The following SMARCA4 variants were observed in gnomAD, a reference collection of about 807,000 sequenced individuals.
SMARCA4 encodes SWI/SNF-related matrix-associated actin-dependent regulator of chromatin subfamily A member 4.
In SMARCA4, 31 loss-of-function variants were observed where a neutral mutation model predicts 193.9. That is an observed-to-expected ratio of 0.16 (90% confidence interval 0.12 to 0.22). The LOEUF (loss-of-function observed/expected upper bound fraction) is 0.22, where lower values mean the gene tolerates loss of function less well. Among genes scored for constraint, SMARCA4 ranks in the 10% least tolerant of loss-of-function variants. The pLI, the probability that SMARCA4 is intolerant of heterozygous loss-of-function variation, is 1.00. For missense variants in SMARCA4, 1,148 were observed against 2,296.0 expected (o/e 0.50, Z 10.22); for synonymous variants, 942 against 933.1 (o/e 1.01, Z -0.17).
chr19:10,971,065 G>A (rs1477279717), intron 1 of SMARCA4, among the ~76,000 whole-genome samples: 3 of 152,066 alleles, frequency 2.0e-5, no homozygotes, highest in Admixed American at 6.6e-5. Context: ...GCGTGGTGGC[G>A]CGTGCCTGTA....
intron 13 of SMARCA4, among the ~76,000 whole-genome samples, chr19:11,007,214 G>A (rs1343672007): frequency 1.3e-5 from 2 of 151,930 alleles, no homozygotes; most frequent in African/African-American, 4.8e-5. Flanking sequence ...GGCGGATCAC[G>A]AGGTCAGGAG....
chr19:11,011,545 T>C (rs2088847465), intron 15 of SMARCA4, among the ~76,000 whole-genome samples: 2 of 152,178 alleles, frequency 1.3e-5, no homozygotes, highest in Non-Finnish European at 2.9e-5. Context: ...TTAAGACAAC[T>C]CTTAAACCTT....
chr19:11,026,799 C>G (rs2090295514), intron 23 of SMARCA4, among the ~76,000 whole-genome samples: 1 of 152,086 alleles, frequency 6.6e-6, no homozygotes, highest in Non-Finnish European at 1.5e-5. Context: ...GCGCCCGGCC[C>G]CATTATACAA....
At chr19:11,014,971 T>C (rs949107530) in intron 16 of SMARCA4, among the ~76,000 whole-genome samples, 3 of 151,938 alleles carry the variant, frequency 2.0e-5, no homozygotes, top group East Asian at 1.9e-4. Flanking sequence ...CGCCACCATG[T>C]CCGGCTAACT....
chr19:11,016,880 A>G (rs185042377), intron 16 of SMARCA4, among the ~76,000 whole-genome samples: 8 of 151,860 alleles, frequency 5.3e-5, no homozygotes, highest in African/African-American at 9.7e-5. Flanking sequence ...CATGTAGTCT[A>G]TTTCCCGCCC....
Position 10,975,004 on chromosome 19 carries a change from A to G in SMARCA4, c.-31-9117A>G, listed in dbSNP as rs111362490. Among the ~76,000 whole-genome samples the G allele has an allele frequency of 1.8e-3, 256 of 143,584 alleles. 1 individual carries two copies. The highest frequency in any genetic ancestry group is 7.9e-3 in the Middle Eastern group (2 of 254). 94.2% of individuals were successfully genotyped at this position (143,584 alleles called of 152,430 possible). On this transcript the variant is annotated intron_variant, in intron 1 of 34. Coordinates refer to ENST00000344626, the MANE Select transcript of SMARCA4 (RefSeq NM_003072.5). ...TGAGACACCATGCCCAGCCATATGC[A>G]TATATAGTTATTCTTTTTTTTTTTT...
rs2075447084 is a variant in SMARCA4, at chr19:11,039,438, A to G, written c.4171-1869A>G. 2 of 1,524,840 alleles carry G rather than the reference A, an allele frequency of 1.3e-6. No individual in the cohort carries two copies. The allele number at this position is 1,524,840 out of a possible 1,614,324, so 94.5% of individuals were successfully genotyped here. A position where few individuals can be genotyped will look rare whatever the true frequency, so the allele number is the denominator to read the frequency against. Reference sequence around the variant, plus strand: ...TTGTGCACTGAAACACTAAACAGACATTAAAAAATTTTGTTGTAGAAAATT... The same window carrying G: ...TTGTGCACTGAAACACTAAACAGACGTTAAAAAATTTTGTTGTAGAAAATT... On this transcript the variant is annotated intron_variant, in intron 29 of 34. Coordinates refer to ENST00000344626, the MANE Select transcript of SMARCA4 (RefSeq NM_003072.5).
chr19:11,046,789 A>G (rs958719856), intron 30 of SMARCA4, among the ~76,000 whole-genome samples: 2 of 151,990 alleles, frequency 1.3e-5, no homozygotes, highest in African/African-American at 2.4e-5. Flanking sequence ...GACCCCGCCT[A>G]TGCAAAAAAT....
At position 11,058,601 on chromosome 19, in the gene SMARCA4, CACTT is replaced by C. The variant is rs554376310; in HGVS notation, c.4534-185_4534-182del. Among the ~76,000 whole-genome samples the C allele has an allele frequency of 1.8e-3, 269 of 152,258 alleles. 4 individuals are homozygous for C. Among genetic ancestry groups the C allele is most frequent in the Middle Eastern group, 0.01 (3 of 294 alleles). ...TTGGGTGTTCCTTCAAGGTCCCACT[CACTT>C]AGTGCTGGGCCTCAGTCATGCAGTT... On this transcript the variant is annotated intron_variant, in intron 31 of 34. Transcript: ENST00000344626. This position sits in a 1 kb window ranked among gnomAD's most constrained non-coding sequence, Gnocchi z 5.8.
Position 11,033,361 on chromosome 19 carries a change from C to T in SMARCA4, c.3618C>T (p.Thr1206=), listed in dbSNP as rs780618654. 16 of 1,613,184 alleles carry T rather than the reference C, an allele frequency of 9.9e-6. No homozygotes were observed. The highest frequency in any genetic ancestry group is 5.5e-5 in the South Asian group (5 of 91,088). The change falls in exon 26 of 35, where the codon ACC becomes ACT. Residue 1206 remains threonine, a synonymous_variant. Transcript: ENST00000344626. This position sits in a 1 kb window ranked among gnomAD's most constrained non-coding sequence, Gnocchi z 9.8. ...AGGTGCGTGTGCTCCGCCTCTGCAC[C>T]GTCAACAGCGTGGAGGAGAAGATCC... ...QNEVRVLRLC[T]VNSVEEKILA...
intron 15 of SMARCA4, chr19:11,012,595 G>A (rs575225544): frequency 5.8e-5 from 20 of 344,956 alleles, no homozygotes; most frequent in African/African-American, 4.0e-4. Flanking sequence ...TTGGTTTCCT[G>A]AGTGCAAGTG....
At chr19:11,021,080 G>A (rs1242664867) in intron 18 of SMARCA4, 3 of 168,412 alleles carry the variant, frequency 1.8e-5, no homozygotes, top group African/African-American at 7.2e-5. Flanking sequence ...TGCCTCCTTT[G>A]TGGCTCACCC....
At position 10,985,523 on chromosome 19, in the gene SMARCA4, G is replaced by GGA; in HGVS notation, c.355+119_355+120insAG. The GGA allele has an allele frequency of 7.8e-7, 1 of 1,289,476 alleles. No homozygotes were observed. The highest frequency in any genetic ancestry group is 1.3e-5 in the South Asian group (1 of 77,912). 79.9% of individuals were successfully genotyped at this position (1,289,476 alleles called of 1,614,324 possible). ...GGGAGTACCTAGGATGATGTAGCCG[G>GGA]GTGGGTGGCCCGCCACAGAGAGCTG... On this transcript the variant is annotated intron_variant, in intron 3 of 34. Coordinates refer to ENST00000344626, the MANE Select transcript of SMARCA4 (RefSeq NM_003072.5). This position sits in a 1 kb window ranked among gnomAD's most constrained non-coding sequence, Gnocchi z 4.5.
chr19:10,990,419 C>T (rs546670567), intron 7 of SMARCA4, among the ~76,000 whole-genome samples: 3 of 152,264 alleles, frequency 2.0e-5, no homozygotes, highest in African/African-American at 7.2e-5. Context: ...GCTGGGATTA[C>T]AGGCATGTGC....
intron 30 of SMARCA4, among the ~76,000 whole-genome samples, chr19:11,053,068 TG>T (rs986068153): frequency 5.2e-4 from 79 of 152,166 alleles, no homozygotes; most frequent in African/African-American, 1.9e-3. Flanking sequence ...TTTCCAAACT[TG>T]GGTTCTTGGT....
intron 18 of SMARCA4, chr19:11,021,411 A>G: frequency 2.2e-6 from 1 of 460,836 alleles, no homozygotes; most frequent in South Asian, 1.9e-5. Context: ...CGTGCTCGGC[A>G]TTTTTCTGTG....
intron 13 of SMARCA4, among the ~76,000 whole-genome samples, chr19:11,005,534 G>A (rs2088115592): frequency 6.6e-6 from 1 of 152,158 alleles, no homozygotes; most frequent in South Asian, 2.1e-4. Context: ...CTTATGCTTT[G>A]CTGAGTCCTT....
At position 10,985,539 on chromosome 19, in the gene SMARCA4, C is replaced by G; in HGVS notation, c.355+134C>G. On this transcript the variant is annotated intron_variant, in intron 3 of 34. Coordinates refer to ENST00000344626, the MANE Select transcript of SMARCA4 (RefSeq NM_003072.5). This position sits in a 1 kb window ranked among gnomAD's most constrained non-coding sequence, Gnocchi z 4.5. Reference sequence around the variant, plus strand: ...ATGTAGCCGGGTGGGTGGCCCGCCACAGAGAGCTGTCTGGCATGGCGTGGC... The same window carrying G: ...ATGTAGCCGGGTGGGTGGCCCGCCAGAGAGAGCTGTCTGGCATGGCGTGGC... 1.8e-6 allele frequency: 2 copies of G among 1,094,750 alleles called. No homozygotes were observed. Among genetic ancestry groups the G allele is most frequent in the Non-Finnish European group, 2.7e-6 (2 of 745,160 alleles). 67.8% of individuals were successfully genotyped at this position (1,094,750 alleles called of 1,614,324 possible). A position where few individuals can be genotyped will look rare whatever the true frequency, so the allele number is the denominator to read the frequency against.
chr19:10,999,777 A>C (rs997576631), intron 11 of SMARCA4, among the ~76,000 whole-genome samples: 5 of 152,220 alleles, frequency 3.3e-5, no homozygotes, highest in African/African-American at 1.2e-4. Context: ...GATTTCCCTT[A>C]GCAATAATAG....
Sources: allele counts gnomAD v4.1 joint callset (sites outside exome capture counted in the v4.1 genomes callset), GRCh38; gene constraint gnomAD v4.1.1; non-coding constraint Gnocchi (gnomAD v3.1); transcripts MANE v1.5; gene names NCBI Gene and HGNC (gene_info 2026-07-23, HGNC 2026-07-21).